The following PCLO variants were observed in gnomAD, a reference collection of about 807,000 sequenced individuals.
PCLO encodes the protein piccolo presynaptic cytomatrix protein.
In PCLO, 82 loss-of-function variants were observed where a neutral mutation model predicts 427.5. The ratio of observed to expected loss-of-function variants is 0.19; its 90% CI spans 0.16 to 0.23. PCLO has a LOEUF of 0.23. Ranked by LOEUF, PCLO falls within the 10% of genes least tolerant of loss-of-function variation. The pLI is 1.00. For synonymous variants in PCLO, 2,357 were observed against 2,155.4 expected, an observed-to-expected ratio of 1.09 and a Z score of -2.59; for missense variants, 6,239 against 6,115.9, an observed-to-expected ratio of 1.02 and a Z score of -0.67.
chr7:82,806,519 T>C (rs1215917227), intron 20 of PCLO, among the ~76,000 whole-genome samples: 1 of 152,188 alleles, frequency 6.6e-6, no homozygotes, highest in Non-Finnish European at 1.5e-5. Flanking sequence ...CAATAAATTA[T>C]GCAGTAGGGG....
intron 10 of PCLO, among the ~76,000 whole-genome samples, chr7:82,860,921 T>C (rs921166572): frequency 2.0e-5 from 3 of 151,992 alleles, no homozygotes; most frequent in Non-Finnish European, 4.4e-5. Flanking sequence ...TAAGATAGTA[T>C]TTGCAAGCCT....
Position 82,843,357 on chromosome 7 carries a change from C to T in PCLO, c.14047-1848G>A, listed in dbSNP as rs867094854. On this transcript the variant is annotated intron_variant, in intron 13 of 24. Transcript: ENST00000333891. ...ATATGTGGAATCTAACAAAGTTGAA[C>T]TTATAGAAGCATAGAGAAGAATGGT... Among the ~76,000 whole-genome samples, 17 of 152,032 alleles carry T rather than the reference C, an allele frequency of 1.1e-4. 1 individual carries two copies. The highest frequency in any genetic ancestry group is 6.8e-3 in the Middle Eastern group (2 of 294).
chr7:83,073,779 CAT>C (rs997523480), intron 3 of PCLO, among the ~76,000 whole-genome samples: 22 of 151,086 alleles, frequency 1.5e-4, no homozygotes, highest in Non-Finnish European at 3.1e-4. Flanking sequence ...ACTATTTTAA[CAT>C]AAATTTTTTT....
At chr7:83,146,959 C>A (rs1792010736) in intron 2 of PCLO, among the ~76,000 whole-genome samples, 1 of 151,504 alleles carries the variant, frequency 6.6e-6, no homozygotes, top group African/African-American at 2.4e-5. Context: ...CTGTTCCTAT[C>A]AAGCTACTAA....
intron 21 of PCLO, among the ~76,000 whole-genome samples, chr7:82,803,710 T>C (rs1003233345): frequency 1.3e-5 from 2 of 152,196 alleles, no homozygotes; most frequent in Admixed American, 6.5e-5. Context: ...AATCGCTAGA[T>C]ATTTATTAAA....
intron 22 of PCLO, among the ~76,000 whole-genome samples, chr7:82,800,875 G>A (rs963905358): frequency 1.3e-5 from 2 of 151,926 alleles, no homozygotes; most frequent in East Asian, 1.9e-4. Flanking sequence ...GTGAGCCACC[G>A]TGCCCAGCCA....
chr7:82,917,717 T>C (rs1010294934), intron 6 of PCLO, among the ~76,000 whole-genome samples: 2 of 152,024 alleles, frequency 1.3e-5, no homozygotes, highest in African/African-American at 4.8e-5. Context: ...AGATCTCAGG[T>C]CTTCTGCTTT....
At position 82,955,960 on chromosome 7, in the gene PCLO, G is replaced by A. The variant is rs767603207; in HGVS notation, c.4993C>T (p.Arg1665Cys). Reference protein sequence around the residue: ...ELVVTGGGGLRRFKTIELNST... With the variant: ...ELVVTGGGGLCRFKTIELNST... ...TTGAGCTCAATTGTTTTAAATCGGCGTAGCCCTCCTCCTCCAGTAACTACA... is the reference window on the plus strand; with the variant it reads ...TTGAGCTCAATTGTTTTAAATCGGCATAGCCCTCCTCCTCCAGTAACTACA... Residue 1665 changes from arginine (R) to cysteine (C), a missense_variant, in exon 5 of 25, where the codon CGC becomes TGC. This residue lies in a region of PCLO where 4,677 missense variants were observed against 4,468.4 expected (regional missense o/e 1.05). Transcript: ENST00000333891. 12 of 1,613,436 alleles carry A rather than the reference G, an allele frequency of 7.4e-6. No homozygotes were observed. In the East Asian group the frequency reaches 1.3e-4, roughly 18 times the overall value.
chr7:82,916,988 G>A (rs929486128), intron 6 of PCLO, 115 bp from the exon 7 acceptor site: 1 of 679,688 alleles, frequency 1.5e-6, no homozygotes, highest in Non-Finnish European at 2.3e-6. Flanking sequence ...TGCTATCGCA[G>A]CATGATAAAA....
At chr7:82,907,038 A>G (rs910873320) in intron 8 of PCLO, among the ~76,000 whole-genome samples, 3 of 151,892 alleles carry the variant, frequency 2.0e-5, no homozygotes, top group African/African-American at 7.2e-5. Context: ...CAAAACCATA[A>G]ATCTGTATAT....
intron 22 of PCLO, among the ~76,000 whole-genome samples, chr7:82,774,475 C>G (rs777838030): frequency 6.6e-6 from 1 of 152,138 alleles, no homozygotes. Context: ...TTGTATAAGT[C>G]GGGATAGACT....
rs13235048 is a variant in PCLO at position 82,806,065 on chromosome 7, C to A, written c.14792-236G>T. Among the ~76,000 whole-genome samples, 91,713 of 151,862 alleles carry A rather than the reference C, an allele frequency of 0.6. 28,943 individuals carry two copies. The highest frequency in any genetic ancestry group is 0.85 in the East Asian group (4,395 of 5,172). The stretch of plus-strand genomic sequence containing the variant: ...AAAAGCAATCACCTTTAGGGAAAAA[C>A]ACATTTAATTTTTAGACCAAGTTAA... On this transcript the variant is annotated intron_variant, in intron 20 of 24. Transcript: ENST00000333891.
At chr7:82,965,308 CTT>C (rs2115652643) in intron 4 of PCLO, among the ~76,000 whole-genome samples, 1 of 135,656 alleles carries the variant, frequency 7.4e-6, no homozygotes, top group Admixed American at 7.3e-5. Flanking sequence ...TTTCTTTTTT[CTT>C]TCTTTCTTTT....
intron 3 of PCLO, among the ~76,000 whole-genome samples, chr7:83,001,505 A>AACACACACACACACACAC (rs3035080): frequency 6.7e-5 from 10 of 149,148 alleles, no homozygotes; most frequent in Admixed American, 2.0e-4. Flanking sequence ...CACACATACA[A>AACACACACACACACACAC]ACACACACAC....
chr7:82,773,680 C>T (rs564497391), intron 22 of PCLO, among the ~76,000 whole-genome samples: 1 of 152,156 alleles, frequency 6.6e-6, no homozygotes, highest in Admixed American at 6.5e-5. Context: ...AGAGCAAACT[C>T]TAATTCCACC....
rs1219224892 is a variant in PCLO, at chr7:83,162,635, G to T, written c.-43C>A. 6.7e-7 allele frequency: 1 copy of T among 1,494,660 alleles called. No homozygotes were observed. Among genetic ancestry groups the T allele is most frequent in the South Asian group, 1.3e-5 (1 of 76,254 alleles). The allele number at this position is 1,494,660 out of a possible 1,614,324, so 92.6% of individuals were successfully genotyped here. On this transcript the variant is annotated 5_prime_UTR_variant, in exon 1 of 25. Transcript: ENST00000333891. ...GGCCGCCGCGCTCCCTCCTCGCGCC[G>T]CGTCCCAGTCGAGAAGCCCGCGGCC... is the stretch of plus-strand genomic sequence containing the variant.
chr7:83,105,664 G>T (rs968841866), intron 3 of PCLO, among the ~76,000 whole-genome samples: 1 of 152,258 alleles, frequency 6.6e-6, no homozygotes, highest in East Asian at 1.9e-4. Flanking sequence ...CACGGACACT[G>T]TGCAAAGTGC....
chr7:83,121,240 G>A (rs187678938), intron 3 of PCLO, among the ~76,000 whole-genome samples: 224 of 152,190 alleles, frequency 1.5e-3, no homozygotes, highest in African/African-American at 5.1e-3. Flanking sequence ...AGAAGTTGAG[G>A]CACAGAGTTT....
chr7:83,120,706 G>A (rs563121248), intron 3 of PCLO, among the ~76,000 whole-genome samples: 219 of 152,234 alleles, frequency 1.4e-3, no homozygotes, highest in African/African-American at 5.0e-3. Context: ...AAAGCACTGA[G>A]AAAACTTTTA....
Sources: gnomAD v4.1 joint callset for allele counts (sites outside exome capture counted in the v4.1 genomes callset) on GRCh38, gnomAD v4.1.1 for gene constraint, gnomAD v4.1.1 regional missense constraint, MANE v1.5 for transcripts, NCBI Gene and HGNC (gene_info 2026-07-23, HGNC 2026-07-21) for gene names.